Variants in KDM3A observed in about 807,000 individuals in gnomAD.
KDM3A encodes the protein lysine demethylase 3A.
A neutral mutation model predicts 158.0 loss-of-function variants in KDM3A; 60 were observed. The observed-to-expected ratio is 0.38, with a 90% CI of 0.31 to 0.47. The LOEUF (loss-of-function observed/expected upper bound fraction) is 0.47. Ranked by LOEUF, KDM3A falls within the 20% of genes least tolerant of loss-of-function variation. KDM3A has a pLI of 0.99. For synonymous variants in KDM3A, 608 were observed against 549.3 expected (o/e 1.11, Z -1.49); for missense variants, 1,319 against 1,574.3 (o/e 0.84, Z 2.74).
At chr2:86,471,174 T>C (rs975222257) in intron 11 of KDM3A, among the ~76,000 whole-genome samples, 2 of 152,080 alleles carry the variant, frequency 1.3e-5, no homozygotes, top group Non-Finnish European at 2.9e-5. Flanking sequence ...GCATACCTTT[T>C]TAAAAAATCT....
chr2:86,453,826 G>A (rs1287541277), intron 4 of KDM3A, among the ~76,000 whole-genome samples: 1 of 152,132 alleles, frequency 6.6e-6, no homozygotes, highest in Non-Finnish European at 1.5e-5. Context: ...TTCCCAGTGG[G>A]AAAAATGGAT....
In KDM3A at chr2:86,474,702, TGTGTGTG is replaced by T. The variant is rs1174061202; in HGVS notation, c.1725-73_1725-67del. On this transcript the variant is annotated intron_variant, in intron 11 of 25. Transcript: ENST00000312912. ...AAGTAATTACAAGTTGTAAATAAGT[TGTGTGTG>T]TGTGTGTGTGTGTGTGTGTGTGTGT... 4.8e-3 allele frequency: 1,928 copies of T among 401,018 alleles called. 19 individuals carry two copies. Among genetic ancestry groups the T allele is most frequent in the Non-Finnish European group, 4.1e-3 (982 of 238,132 alleles). 24.8% of individuals were successfully genotyped at this position (401,018 alleles called of 1,614,324 possible).
chr2:86,479,373 G>GC (rs1673815146), intron 15 of KDM3A: 1 of 152,160 alleles, frequency 6.6e-6, no homozygotes, highest in Non-Finnish European at 1.5e-5. Flanking sequence ...GGATGGGAGA[G>GC]CAGAAGACTT....
chr2:86,485,669 A>G, intron 20 of KDM3A, 60 bp from the exon 21 acceptor site: 5 of 1,594,148 alleles, frequency 3.1e-6, no homozygotes, highest in Non-Finnish European at 4.3e-6. Flanking sequence ...AAAACAGGTT[A>G]CACAATAATG....
intron 11 of KDM3A, among the ~76,000 whole-genome samples, chr2:86,471,377 A>G (rs1290585250): frequency 2.3e-5 from 3 of 130,448 alleles, no homozygotes; most frequent in Admixed American, 1.5e-4. Context: ...ATATATGTAT[A>G]TATATGTGTG....
chr2:86,491,012 G>A lies in KDM3A; in HGVS notation c.3705G>A (p.Gln1235=), dbSNP rs202133365. The A allele has an allele frequency of 1.9e-5, 31 of 1,613,878 alleles. No homozygotes were observed. Among genetic ancestry groups the A allele is most frequent in the East Asian group, 2.2e-5 (1 of 44,890 alleles). The part of the protein sequence containing the change: ...EYGVQGWAIV[Q]FLGDVVFIPA... ...GAGTTCAAGGCTGGGCTATTGTACA[G>A]TTTCTTGGGGATGTGGTGTTTATCC... is the stretch of plus-strand genomic sequence containing the variant. Residue 1235 remains glutamine, a synonymous_variant, in exon 24 of 26, where the codon CAG becomes CAA. Coordinates refer to ENST00000312912, the MANE Select transcript of KDM3A (RefSeq NM_018433.6).
chr2:86,465,251 C>T (rs1673085023), intron 9 of KDM3A, among the ~76,000 whole-genome samples: 1 of 152,152 alleles, frequency 6.6e-6, no homozygotes, highest in Admixed American at 6.5e-5. Flanking sequence ...CTGTGAATAA[C>T]CAAGTAATCA....
intron 8 of KDM3A, among the ~76,000 whole-genome samples, chr2:86,463,029 T>C (rs1460019719): frequency 6.6e-6 from 1 of 152,204 alleles, no homozygotes; most frequent in Non-Finnish European, 1.5e-5. Context: ...AGGCAGAGGT[T>C]GCAATGAACC....
In KDM3A at chr2:86,475,421, G is replaced by A. The variant is rs78291035; in HGVS notation, c.1939+431G>A. 7.2e-5 allele frequency among the ~76,000 whole-genome samples: 11 copies of A among 152,314 alleles called. No homozygotes were observed. The East Asian group carries it at 2.1e-3, about 29-fold the overall frequency. ...GGCTGGGTCCCAGACTTGAGAATGAGAACAGGTTCAGAATGGAAATGATTG... is the reference window on the plus strand; with the variant it reads ...GGCTGGGTCCCAGACTTGAGAATGAAAACAGGTTCAGAATGGAAATGATTG... On this transcript the variant is annotated intron_variant, in intron 12 of 25. Transcript: ENST00000312912.
At chr2:86,451,567 C>T (rs1043960999) in intron 4 of KDM3A, among the ~76,000 whole-genome samples, 1 of 151,702 alleles carries the variant, frequency 6.6e-6, no homozygotes. Context: ...TTGTCCTTGT[C>T]TTCATGTTGA....
At position 86,482,357 on chromosome 2, in the gene KDM3A, T is replaced by G; in HGVS notation, c.2686-101T>G. ...ACCTTTTTGCCTGGGGGTCCTGGCT[T>G]GGAATCTTCTGGATATGTAATCTAT... On this transcript the variant is annotated intron_variant, in intron 17 of 25. Coordinates refer to ENST00000312912, the MANE Select transcript of KDM3A (RefSeq NM_018433.6). 2.0e-6 allele frequency: 3 copies of G among 1,535,922 alleles called. No individual in the cohort carries two copies. The South Asian group carries it at 4.0e-5, about 20-fold the overall frequency.
At chr2:86,447,357 T>C (rs924418954) in intron 2 of KDM3A, among the ~76,000 whole-genome samples, 1 of 151,920 alleles carries the variant, frequency 6.6e-6, no homozygotes, top group Admixed American at 6.6e-5. Flanking sequence ...TCTTTTGGTT[T>C]AGGGTTATCT....
At chr2:86,446,780 G>A (rs1181647443) in intron 2 of KDM3A, among the ~76,000 whole-genome samples, 1 of 152,206 alleles carries the variant, frequency 6.6e-6, no homozygotes, top group East Asian at 1.9e-4. Flanking sequence ...GTCATTAAGT[G>A]TAAAACCTCA....
Position 86,475,022 on chromosome 2 carries a change from G to T in KDM3A, c.1939+32G>T, listed in dbSNP as rs376354785. The T allele has an allele frequency of 7.7e-6, 12 of 1,564,130 alleles. No homozygotes were observed. The Admixed American group carries it at 2.1e-4, about 27-fold the overall frequency. ...GCATCTCTTAGGGGGTAGGATTTTCGAGCCCAATTTGATTTTTGTTCCTAA... is the reference window on the plus strand; with the variant it reads ...GCATCTCTTAGGGGGTAGGATTTTCTAGCCCAATTTGATTTTTGTTCCTAA... On this transcript the variant is annotated intron_variant, in intron 12 of 25. Coordinates refer to ENST00000312912, the MANE Select transcript of KDM3A (RefSeq NM_018433.6).
At chr2:86,475,932 C>T (rs1488824247) in intron 12 of KDM3A, among the ~76,000 whole-genome samples, 1 of 152,134 alleles carries the variant, frequency 6.6e-6, no homozygotes, top group Non-Finnish European at 1.5e-5. Context: ...TCTCAGAGTC[C>T]AAGGAACAGG....
chr2:86,471,309 ATATATGTG>A (rs1176347594), intron 11 of KDM3A, among the ~76,000 whole-genome samples: 11 of 151,626 alleles, frequency 7.3e-5, no homozygotes, highest in East Asian at 3.9e-4. Flanking sequence ...GTGTATGTGT[ATATATGTG>A]TATATGTGTA....
At chr2:86,446,039 T>C (rs1573138607) in intron 2 of KDM3A, among the ~76,000 whole-genome samples, 1 of 152,188 alleles carries the variant, frequency 6.6e-6, no homozygotes, top group South Asian at 2.1e-4. Context: ...TCAGGTGAGA[T>C]GAGAGTATGG....
rs769138510 is a variant in KDM3A at position 86,456,530 on chromosome 2, C to T, written c.645C>T (p.Asn215=). The T allele has an allele frequency of 6.2e-7, 1 of 1,607,436 alleles. No homozygotes were observed. Among genetic ancestry groups the T allele is most frequent in the South Asian group, 1.1e-5 (1 of 90,564 alleles). Residue 215 remains asparagine, a synonymous_variant, in exon 6 of 26, where the codon AAC becomes AAT. Transcript: ENST00000312912. ...QWFSATVING[N]PASKTLQVNC... ...TTTCAGCAACCGTTATAAATGGAAA[C>T]CCAGCATCAAAAACTCTTCAAGTCA...
At chr2:86,455,391 T>C (rs1451858925) in intron 5 of KDM3A, among the ~76,000 whole-genome samples, 2 of 151,634 alleles carry the variant, frequency 1.3e-5, no homozygotes, top group African/African-American at 4.8e-5. Context: ...TAGCTAGGAC[T>C]ACAGGCACGC....
Sources: gnomAD v4.1 joint callset for allele counts (sites outside exome capture counted in the v4.1 genomes callset) on GRCh38, gnomAD v4.1.1 for gene constraint, MANE v1.5 for transcripts, NCBI Gene and HGNC (gene_info 2026-07-23, HGNC 2026-07-21) for gene names.